Variants in PIK3C2G observed in about 807,000 individuals in gnomAD.
PIK3C2G encodes phosphatidylinositol-4-phosphate 3-kinase catalytic subunit type 2 gamma.
Under a neutral mutation model 181.1 loss-of-function variants are expected in PIK3C2G, and 168 were observed. The ratio of observed to expected loss-of-function variants is 0.93; its 90% CI spans 0.82 to 1.05. The LOEUF (loss-of-function observed/expected upper bound fraction) is 1.05. PIK3C2G is among the 50% of genes least tolerant of loss of function. The pLI is 0.00. For synonymous variants in PIK3C2G, 573 were observed against 592.2 expected (o/e 0.97, Z 0.47); for missense variants, 1,869 against 1,732.8 (o/e 1.08, Z -1.40).
At chr12:18,534,908 G>GA (rs1472800127) in intron 24 of PIK3C2G, among the ~76,000 whole-genome samples, 1 of 149,492 alleles carries the variant, frequency 6.7e-6, no homozygotes, top group African/African-American at 2.5e-5. Flanking sequence ...CACTAATCTA[G>GA]AAAAAAAAAG....
chr12:18,623,223 T>C (rs995667331), intron 31 of PIK3C2G, among the ~76,000 whole-genome samples: 3 of 151,866 alleles, frequency 2.0e-5, no homozygotes, highest in African/African-American at 7.2e-5. Context: ...TTTTTATGTA[T>C]GGTGTGAGAT....
intron 13 of PIK3C2G, among the ~76,000 whole-genome samples, chr12:18,372,025 A>G (rs190906846): frequency 5.1e-4 from 77 of 152,292 alleles, no homozygotes; most frequent in Admixed American, 1.6e-3. Context: ...ATTTTTATAA[A>G]GCATATTTTT....
the PIK3C2G span, chr12:18,713,102 TA>T: frequency 6.7e-6 from 9 of 1,336,404 alleles, no homozygotes; most frequent in African/African-American, 1.3e-4. Flanking sequence ...AATGAGTCCA[TA>T]AAACTCTATA....
At chr12:18,650,299 C>T (rs909451349), downstream of PIK3C2G, among the ~76,000 whole-genome samples, 4 of 12,930 alleles carry the variant, frequency 3.1e-4, no homozygotes, top group South Asian at 0.031. Context: ...AAATTTCTCT[C>T]TCTCTCTCTC....
At chr12:18,465,977 C>T (rs1269967634) in intron 18 of PIK3C2G, among the ~76,000 whole-genome samples, 1 of 151,240 alleles carries the variant, frequency 6.6e-6, no homozygotes, top group Non-Finnish European at 1.5e-5. Flanking sequence ...TCTTCCTACA[C>T]TAGATTCTAG....
At chr12:18,546,728 T>C (rs1229246211) in intron 26 of PIK3C2G, among the ~76,000 whole-genome samples, 1 of 152,076 alleles carries the variant, frequency 6.6e-6, no homozygotes, top group Non-Finnish European at 1.5e-5. Context: ...TTGGTTGTTC[T>C]ACTTGAACTA....
chr12:18,270,891 CAAG>C (rs980080462), intron 1 of PIK3C2G, among the ~76,000 whole-genome samples: 2 of 152,078 alleles, frequency 1.3e-5, no homozygotes, highest in African/African-American at 4.8e-5. Flanking sequence ...CTCATAAAAG[CAAG>C]AAGAGTGACA....
intron 6 of PIK3C2G, among the ~76,000 whole-genome samples, chr12:18,320,690 A>G (rs1420130563): frequency 6.6e-6 from 1 of 152,254 alleles, no homozygotes; most frequent in African/African-American, 2.4e-5. Flanking sequence ...ACTTAGTAGA[A>G]GAATTTAATG....
intron 18 of PIK3C2G, among the ~76,000 whole-genome samples, chr12:18,452,574 T>C (rs549524055): frequency 2.2e-4 from 34 of 152,298 alleles, no homozygotes; most frequent in African/African-American, 8.2e-4. Flanking sequence ...CCTTCAGTTC[T>C]GATCTAATCT....
At chr12:18,488,296 A>G (rs1256103492) in intron 18 of PIK3C2G, among the ~76,000 whole-genome samples, 153 bp from the exon 19 acceptor site, 1 of 152,098 alleles carries the variant, frequency 6.6e-6, no homozygotes, top group African/African-American at 2.4e-5. Flanking sequence ...GATGACTGTC[A>G]ATGAATAAAC....
chr12:18,565,584 T>G (rs1284671168), intron 28 of PIK3C2G, among the ~76,000 whole-genome samples: 1 of 152,122 alleles, frequency 6.6e-6, no homozygotes, highest in Non-Finnish European at 1.5e-5. Flanking sequence ...ATCTTTGTTG[T>G]GAATGAAATT....
chr12:18,701,231 C>T, the PIK3C2G span, among the ~76,000 whole-genome samples: 1 of 152,148 alleles, frequency 6.6e-6, no homozygotes, highest in East Asian at 1.9e-4. Context: ...GTGATCCGCC[C>T]ACCTCAGCCT....
At chr12:18,394,308 G>A (rs549614867) in intron 15 of PIK3C2G, among the ~76,000 whole-genome samples, 15 of 152,114 alleles carry the variant, frequency 9.9e-5, no homozygotes, top group African/African-American at 3.1e-4. Flanking sequence ...TAAAAAAAAT[G>A]AGATCTGACC....
At chr12:18,424,594 A>C (rs1468579973) in intron 18 of PIK3C2G, 2 of 166,314 alleles carry the variant, frequency 1.2e-5, no homozygotes, top group African/African-American at 4.8e-5. Flanking sequence ...TTAGCATTTC[A>C]GTTTCCCCAT....
chr12:18,521,983 G>T (rs921736021), intron 24 of PIK3C2G, among the ~76,000 whole-genome samples: 2 of 152,088 alleles, frequency 1.3e-5, no homozygotes, highest in African/African-American at 4.8e-5. Context: ...CCCTTGGCTG[G>T]GGGGTGGGGG....
chr12:18,563,722 AT>A (rs1489684781), intron 28 of PIK3C2G, among the ~76,000 whole-genome samples: 3 of 152,128 alleles, frequency 2.0e-5, no homozygotes, highest in African/African-American at 7.2e-5. Context: ...CCAGTCATTG[AT>A]TTTGTAGACA....
chr12:18,511,014 C>T (rs1231142745), intron 24 of PIK3C2G, among the ~76,000 whole-genome samples: 1 of 152,126 alleles, frequency 6.6e-6, no homozygotes, highest in Non-Finnish European at 1.5e-5. Flanking sequence ...CCCTAAGACT[C>T]TGATAATCAC....
At chr12:18,710,506 T>G in the PIK3C2G span, among the ~76,000 whole-genome samples, 1 of 151,972 alleles carries the variant, frequency 6.6e-6, no homozygotes, top group African/African-American at 2.4e-5. Flanking sequence ...AGCTTTTATT[T>G]TGAGTGAGGC....
At chr12:18,573,396 G>A (rs1394365030) in intron 29 of PIK3C2G, among the ~76,000 whole-genome samples, 1 of 152,176 alleles carries the variant, frequency 6.6e-6, no homozygotes, top group Non-Finnish European at 1.5e-5. Context: ...CTACCTGGCA[G>A]TCCTGGCTTC....
Sources: allele counts gnomAD v4.1 joint callset (sites outside exome capture counted in the v4.1 genomes callset), GRCh38; gene constraint gnomAD v4.1.1; transcripts MANE v1.5; gene names NCBI Gene and HGNC (gene_info 2026-07-23, HGNC 2026-07-21).